FHIT: variants seen among roughly 807,000 people sequenced by gnomAD.
FHIT encodes bis(5'-adenosyl)-triphosphatase.
Under a neutral mutation model 17.9 loss-of-function variants are expected in FHIT, and 19 were observed. The ratio of observed to expected loss-of-function variants is 1.06; its 90% CI spans 0.74 to 1.56. The LOEUF (loss-of-function observed/expected upper bound fraction) is 1.56. Among genes scored for constraint, FHIT ranks in the 40% most tolerant of loss-of-function variants. The pLI is 0.00. For synonymous variants in FHIT, 81 were observed against 69.7 expected, an observed-to-expected ratio of 1.16 and a Z score of -0.81; for missense variants, 248 against 189.2, an observed-to-expected ratio of 1.31 and a Z score of -1.82.
chr3:60,280,651 G>A (rs1008842007), intron 5 of FHIT, among the ~76,000 whole-genome samples: 1 of 152,136 alleles, frequency 6.6e-6, no homozygotes, highest in African/African-American at 2.4e-5. Context: ...TTCTGTGGGA[G>A]TACGGCCCTG....
intron 3 of FHIT, among the ~76,000 whole-genome samples, chr3:60,991,911 T>C (rs1326874149): frequency 6.6e-6 from 1 of 152,184 alleles, no homozygotes; most frequent in East Asian, 1.9e-4. Context: ...GGAGACAGGA[T>C]GGAGGTTTCC....
intron 7 of FHIT, among the ~76,000 whole-genome samples, chr3:59,947,823 C>T (rs1339299859): frequency 6.6e-6 from 1 of 152,202 alleles, no homozygotes; most frequent in African/African-American, 2.4e-5. Context: ...CTAGCATGTG[C>T]TGGCAACAGT....
At chr3:59,848,032 T>G (rs1053478539) in intron 8 of FHIT, among the ~76,000 whole-genome samples, 15 of 152,184 alleles carry the variant, frequency 9.9e-5, no homozygotes, top group African/African-American at 3.4e-4. Context: ...GGCTACCACC[T>G]CTTTTTTGTA....
chr3:60,253,061 C>T (rs963691597), intron 5 of FHIT, among the ~76,000 whole-genome samples: 3 of 151,862 alleles, frequency 2.0e-5, no homozygotes, highest in Non-Finnish European at 2.9e-5. Flanking sequence ...AACACTGTGG[C>T]CTCATCGAGT....
chr3:61,195,164 A>T (rs945071431), intron 2 of FHIT, among the ~76,000 whole-genome samples: 3 of 152,108 alleles, frequency 2.0e-5, no homozygotes, highest in Non-Finnish European at 4.4e-5. Context: ...AGTTAAGTAC[A>T]GGGACAAAGT....
chr3:60,118,778 G>A (rs1450036480), intron 5 of FHIT, among the ~76,000 whole-genome samples: 2 of 75,038 alleles, frequency 2.7e-5, no homozygotes, highest in Non-Finnish European at 5.8e-5. Context: ...GGGCGGCGGG[G>A]GGGGGGGGGT....
At chr3:61,114,391 T>C (rs778577035) in intron 2 of FHIT, among the ~76,000 whole-genome samples, 2 of 152,210 alleles carry the variant, frequency 1.3e-5, no homozygotes, top group Non-Finnish European at 2.9e-5. Context: ...CTGTGATTTA[T>C]TGGCAGCCAG....
chr3:60,106,449 A>G (rs1410830870), intron 5 of FHIT, among the ~76,000 whole-genome samples: 4 of 152,216 alleles, frequency 2.6e-5, no homozygotes, highest in African/African-American at 4.8e-5. Flanking sequence ...ACAGTTCATG[A>G]TAAGTGCTTA....
chr3:60,335,678 A>C (rs1467908883), intron 5 of FHIT, among the ~76,000 whole-genome samples: 1 of 152,210 alleles, frequency 6.6e-6, no homozygotes, highest in Non-Finnish European at 1.5e-5. Flanking sequence ...ACACACACAC[A>C]AAAAAGTAAC....
intron 5 of FHIT, among the ~76,000 whole-genome samples, chr3:60,057,019 T>C (rs1312031540): frequency 6.6e-6 from 1 of 152,122 alleles, no homozygotes; most frequent in African/African-American, 2.4e-5. Context: ...TGCTTTTTTC[T>C]GCCTCTCCCA....
intron 4 of FHIT, among the ~76,000 whole-genome samples, chr3:60,769,186 G>C (rs1275032030): frequency 6.6e-6 from 1 of 152,116 alleles, no homozygotes; most frequent in Non-Finnish European, 1.5e-5. Context: ...ACAGTGGAAT[G>C]GCCAGTTAAT....
chr3:60,837,585 T>C (rs183449613), intron 3 of FHIT, among the ~76,000 whole-genome samples: 1 of 152,268 alleles, frequency 6.6e-6, no homozygotes, highest in Admixed American at 6.5e-5. Flanking sequence ...AAGTGGTATA[T>C]TTAGACCATT....
At position 60,439,841 on chromosome 3, in the gene FHIT, G is replaced by C. The variant is rs994747608; in HGVS notation, c.103+97019C>G. Among the ~76,000 whole-genome samples, 2 of 152,216 alleles carry C rather than the reference G, an allele frequency of 1.3e-5. 1 individual carries two copies. The highest frequency in any genetic ancestry group is 6.8e-3 in the Middle Eastern group (2 of 294). ...AAAAGATGCAAGTGTCTTTGGGCTT[G>C]TTCAAAAGTACACCCCTTCTTTCTT... On this transcript the variant is annotated intron_variant, in intron 5 of 9. Coordinates refer to ENST00000492590, the MANE Select transcript of FHIT (RefSeq NM_002012.4).
chr3:59,900,973 T>C (rs56838688), intron 8 of FHIT, among the ~76,000 whole-genome samples: 5,985 of 152,262 alleles, frequency 0.039, 387 homozygotes, highest in African/African-American at 0.13. Context: ...TGGGGTTGTT[T>C]ATATTTCTTC....
chr3:60,516,867 G>C (rs746972620), intron 5 of FHIT, among the ~76,000 whole-genome samples: 20 of 152,128 alleles, frequency 1.3e-4, no homozygotes, highest in Non-Finnish European at 2.1e-4. Flanking sequence ...TGTTATAATA[G>C]GGATAATTAT....
At chr3:59,835,116 T>A (rs1056028880) in intron 8 of FHIT, among the ~76,000 whole-genome samples, 1 of 152,132 alleles carries the variant, frequency 6.6e-6, no homozygotes, top group Non-Finnish European at 1.5e-5. Context: ...AGAGTTATAA[T>A]CTCCTCTCAA....
rs9818923 is a variant in FHIT at position 59,768,627 on chromosome 3, T to C, written c.349-16306A>G. 1.7e-3 allele frequency among the ~76,000 whole-genome samples: 258 copies of C among 152,358 alleles called. 1 individual carries two copies. The highest frequency in any genetic ancestry group is 6.0e-3 in the African/African-American group (248 of 41,586). ...TTTTCTTTGACTTCCCAGACATCAA[T>C]GTCATATGGTTCAATCTAATACCTT... On this transcript the variant is annotated intron_variant, in intron 8 of 9. Transcript: ENST00000492590.
chr3:60,394,750 G>A (rs948732095), intron 5 of FHIT, among the ~76,000 whole-genome samples: 4 of 152,144 alleles, frequency 2.6e-5, no homozygotes, highest in Non-Finnish European at 5.9e-5. Context: ...ACAAAGTAAG[G>A]TCTCCACGAA....
intron 1 of FHIT, among the ~76,000 whole-genome samples, chr3:61,230,781 C>T (rs1006190968): frequency 6.6e-6 from 1 of 152,144 alleles, no homozygotes; most frequent in African/African-American, 2.4e-5. Context: ...TGTCAGCTCC[C>T]ATCCTATCTC....
Sources: gnomAD v4.1 joint callset for allele counts (sites outside exome capture counted in the v4.1 genomes callset) on GRCh38, gnomAD v4.1.1 for gene constraint, MANE v1.5 for transcripts, NCBI Gene and HGNC (gene_info 2026-07-23, HGNC 2026-07-21) for gene names.